Variants in NFIA observed in about 807,000 individuals in gnomAD.
NFIA encodes nuclear factor 1 A-type.
A neutral mutation model predicts 62.8 loss-of-function variants in NFIA; 8 were observed. That is an observed-to-expected ratio of 0.13 (90% CI 0.07 to 0.23). The LOEUF is 0.23. NFIA is among the 10% of genes least tolerant of loss of function. The probability of loss-of-function intolerance (pLI) is 1.00; values close to 1 mark genes in which losing one functional copy is unlikely to be tolerated. For synonymous variants in NFIA, 235 were observed against 238.1 expected (o/e 0.99, Z 0.12); for missense variants, 410 against 642.1 (o/e 0.64, Z 3.91).
intron 6 of NFIA, among the ~76,000 whole-genome samples, chr1:61,375,856 A>G (rs12727993): frequency 0.094 from 14,268 of 152,088 alleles, 918 homozygotes; most frequent in East Asian, 0.32. Context: ...CCTTCGTTTC[A>G]TGGAAGTTGA....
At chr1:61,247,384 G>A (rs1044300604) in intron 2 of NFIA, among the ~76,000 whole-genome samples, 1 of 152,198 alleles carries the variant, frequency 6.6e-6, no homozygotes, top group Admixed American at 6.5e-5. Flanking sequence ...TGTTTGGTCC[G>A]GTTCTTCGTA....
In NFIA at chr1:61,303,435, G is replaced by T. The variant is rs572338041; in HGVS notation, c.625+25850G>T. ...TGGAGAAAAATTAAGAAAGAAAGAG[G>T]AATAGGGAGTCCAGAGTAGTTTTGG... On this transcript the variant is annotated intron_variant, in intron 3 of 10. Transcript: ENST00000403491. Among the ~76,000 whole-genome samples, 16 of 152,306 alleles carry T rather than the reference G, an allele frequency of 1.1e-4. No individual in the cohort carries two copies. The South Asian group carries it at 3.3e-3, about 32-fold the overall frequency.
intron 2 of NFIA, among the ~76,000 whole-genome samples, chr1:61,214,078 T>C (rs1454210122): frequency 6.6e-6 from 1 of 152,130 alleles, no homozygotes; most frequent in Non-Finnish European, 1.5e-5. Flanking sequence ...GGGTCAGCCG[T>C]GGTTGAGCTA....
chr1:61,418,058 T>G (rs980244332), intron 9 of NFIA, among the ~76,000 whole-genome samples: 26 of 152,336 alleles, frequency 1.7e-4, no homozygotes, highest in African/African-American at 6.0e-4. Flanking sequence ...TTTTTAAAAT[T>G]TATTTTCTAT....
chr1:61,395,983 T>C (rs1321460115), intron 7 of NFIA, among the ~76,000 whole-genome samples: 1 of 152,234 alleles, frequency 6.6e-6, no homozygotes, highest in Non-Finnish European at 1.5e-5. Flanking sequence ...GGATCAGTTG[T>C]ACTATTTGTA....
intron 4 of NFIA, among the ~76,000 whole-genome samples, chr1:61,343,567 TA>T (rs1662045492): frequency 6.6e-6 from 1 of 152,232 alleles, no homozygotes; most frequent in Non-Finnish European, 1.5e-5. Flanking sequence ...TTAAATCTTT[TA>T]ATAGCAGGCA....
At chr1:61,154,027 T>C (rs1302066008) in intron 2 of NFIA, among the ~76,000 whole-genome samples, 1 of 152,254 alleles carries the variant, frequency 6.6e-6, no homozygotes, top group Non-Finnish European at 1.5e-5. Context: ...TTAAAAGGAT[T>C]GGGAGACAAT....
intron 6 of NFIA, among the ~76,000 whole-genome samples, chr1:61,372,800 A>C (rs1459027583): frequency 6.6e-6 from 1 of 152,138 alleles, no homozygotes; most frequent in Non-Finnish European, 1.5e-5. Context: ...ACATACTTGA[A>C]TTTGAAGTAT....
Position 61,088,373 on chromosome 1 carries a change from A to T in NFIA, c.252A>T (p.Arg84=), listed in dbSNP as rs1299804960. The T allele has an allele frequency of 6.2e-7, 1 of 1,613,746 alleles. No homozygotes were observed. The highest frequency in any genetic ancestry group is 1.1e-5 in the South Asian group (1 of 91,038). The stretch of plus-strand genomic sequence containing the variant: ...TGGCAAAGTTGCGGAAAGATATCCG[A>T]CCCGAATATCGAGAGGATTTTGTTC... ...RLLAKLRKDI[R]PEYREDFVLT... The change falls in exon 2 of 11, where the codon CGA becomes CGT. Residue 84 remains arginine, a synonymous_variant. Transcript: ENST00000403491. This position sits in a 1 kb window ranked among gnomAD's most constrained non-coding sequence, Gnocchi z 4.5.
At chr1:61,421,102 G>A (rs147037919) in intron 9 of NFIA, among the ~76,000 whole-genome samples, 2 of 152,214 alleles carry the variant, frequency 1.3e-5, no homozygotes, top group African/African-American at 4.8e-5. Context: ...CATCCCAGAG[G>A]CCCGCTCCAT....
At chr1:61,296,394 T>G (rs1352798666) in intron 3 of NFIA, among the ~76,000 whole-genome samples, 2 of 152,228 alleles carry the variant, frequency 1.3e-5, no homozygotes, top group African/African-American at 4.8e-5. Context: ...TACTTAGGCT[T>G]TTCTTTTTTG....
At chr1:61,352,795 T>G (rs1010857688) in intron 5 of NFIA, among the ~76,000 whole-genome samples, 4 of 146,158 alleles carry the variant, frequency 2.7e-5, no homozygotes, top group African/African-American at 1.0e-4. Flanking sequence ...GCACACACAC[T>G]AAAAAACTGT....
intron 4 of NFIA, among the ~76,000 whole-genome samples, chr1:61,339,703 A>G (rs1175873307): frequency 6.6e-6 from 1 of 152,182 alleles, no homozygotes; most frequent in Non-Finnish European, 1.5e-5. Flanking sequence ...AGCTGGCAGC[A>G]AGTGCAATGG....
rs1230581730 is a variant in NFIA at position 61,460,553 on chromosome 1, CTA to C, written c.*5237_*5238del. Reference sequence around the variant, plus strand: ...GCACTAATCTATCTGAAGAAAAAAACTATATCAACTTTGGTATCTACTTTCCG... The same window carrying C: ...GCACTAATCTATCTGAAGAAAAAAACTATCAACTTTGGTATCTACTTTCCG... On this transcript the variant is annotated 3_prime_UTR_variant, in exon 11 of 11. Transcript: ENST00000403491. 3.3e-5 allele frequency: 5 copies of C among 152,320 alleles called. No individual in the cohort carries two copies. The South Asian group carries it at 1.0e-3, about 32-fold the overall frequency. The allele number at this position is 152,320 out of a possible 1,614,324, so 9.4% of individuals were successfully genotyped here.
intron 7 of NFIA, among the ~76,000 whole-genome samples, chr1:61,385,602 A>G (rs1231109392): frequency 1.3e-5 from 2 of 152,166 alleles, no homozygotes; most frequent in Non-Finnish European, 2.9e-5. Context: ...AAGAGTGTCT[A>G]ATGTGTGTCT....
At chr1:61,276,675 G>A (rs1657825924) in intron 2 of NFIA, among the ~76,000 whole-genome samples, 2 of 152,036 alleles carry the variant, frequency 1.3e-5, no homozygotes, top group African/African-American at 4.8e-5. Flanking sequence ...AAATATGCTT[G>A]TTTCTAATTT....
At chr1:61,401,052 T>G (rs1300486407) in intron 7 of NFIA, among the ~76,000 whole-genome samples, 1 of 152,150 alleles carries the variant, frequency 6.6e-6, no homozygotes, top group African/African-American at 2.4e-5. Context: ...GTGATGTCAG[T>G]AACGTAACTA....
At chr1:61,200,915 G>A (rs1261468857) in intron 2 of NFIA, among the ~76,000 whole-genome samples, 1 of 152,150 alleles carries the variant, frequency 6.6e-6, no homozygotes, top group Non-Finnish European at 1.5e-5. Flanking sequence ...TACACATTTA[G>A]CAAAGTTATG....
chr1:61,319,530 G>A (rs957556045), intron 3 of NFIA, among the ~76,000 whole-genome samples: 1 of 152,052 alleles, frequency 6.6e-6, no homozygotes, highest in African/African-American at 2.4e-5. Context: ...GTGTGTCTGT[G>A]TGTGTCTGTC....
Sources: allele counts gnomAD v4.1 joint callset (sites outside exome capture counted in the v4.1 genomes callset), GRCh38; gene constraint gnomAD v4.1.1; non-coding constraint Gnocchi (gnomAD v3.1); transcripts MANE v1.5; gene names NCBI Gene and HGNC (gene_info 2026-07-23, HGNC 2026-07-21).